Variants in CELSR1 observed in about 807,000 individuals in gnomAD.
The protein encoded by CELSR1 is cadherin EGF LAG seven-pass G-type receptor 1.
A neutral mutation model predicts 249.1 loss-of-function variants in CELSR1; 110 were observed. That is an observed-to-expected ratio of 0.44 (90% CI 0.38 to 0.52). The LOEUF is 0.52. CELSR1 is among the 20% of genes least tolerant of loss of function. The pLI is 0.00. For missense variants in CELSR1, 4,109 were observed against 4,296.4 expected (o/e 0.96, Z 1.22); for synonymous variants, 2,113 against 1,900.0 (o/e 1.11, Z -2.92).
rs1362473974 is a variant in CELSR1, at chr22:46,385,084, G to A, written c.6740-398C>T. On this transcript the variant is annotated intron_variant, in intron 19 of 34. Transcript: ENST00000674500. ...TGGGATTACAGGCATGAGCCACCACGCCCAGCCTATTTACTTATATTTATT... is the reference window on the plus strand; with the variant it reads ...TGGGATTACAGGCATGAGCCACCACACCCAGCCTATTTACTTATATTTATT... Among the ~76,000 whole-genome samples the A allele has an allele frequency of 4.0e-5, 6 of 151,474 alleles. 1 individual carries two copies. The South Asian group carries it at 6.3e-4, about 16-fold the overall frequency.
chr22:46,531,064 T>C (rs1035297594), intron 1 of CELSR1, among the ~76,000 whole-genome samples: 1 of 152,232 alleles, frequency 6.6e-6, no homozygotes, highest in Non-Finnish European at 1.5e-5. Context: ...CTGATCTTTT[T>C]GTTTGGTCTG....
In CELSR1 at chr22:46,408,937, G is replaced by A. The variant is rs1057177231; in HGVS notation, c.5226+59C>T. 17 of 1,422,712 alleles carry A rather than the reference G, an allele frequency of 1.2e-5. No individual in the cohort carries two copies. Among genetic ancestry groups the A allele is most frequent in the Non-Finnish European group, 1.6e-5 (17 of 1,060,628 alleles). 88.1% of individuals were successfully genotyped at this position (1,422,712 alleles called of 1,614,324 possible). ...GTGTGCACCAGGAAGCCCAGCGCCT[G>A]GGTCCCTCCCTCGGGCACCCACCTA... On this transcript the variant is annotated intron_variant, in intron 9 of 34. Transcript: ENST00000674500. This position sits in a 1 kb window ranked among gnomAD's most constrained non-coding sequence, Gnocchi z 4.6.
At position 46,429,025 on chromosome 22, in the gene CELSR1, G is replaced by A. The variant is rs1602122881; in HGVS notation, c.4611+4368C>T. Among the ~76,000 whole-genome samples, 1 of 152,120 alleles carries A rather than the reference G, an allele frequency of 6.6e-6. No homozygotes were observed. Among genetic ancestry groups the A allele is most frequent in the Non-Finnish European group, 1.5e-5 (1 of 68,008 alleles). On this transcript the variant is annotated intron_variant, in intron 5 of 34. Coordinates refer to ENST00000674500, the MANE Select transcript of CELSR1 (RefSeq NM_001378328.1). The surrounding 1 kb of genome is among the most constrained non-coding windows in gnomAD (Gnocchi z 4.1). Reference sequence around the variant, plus strand: ...GTCTGTGTCCCCGACCCTGCCAGGAGCTCCTGGAACAAGGTGGGGTCTAAA... The same window carrying A: ...GTCTGTGTCCCCGACCCTGCCAGGAACTCCTGGAACAAGGTGGGGTCTAAA...
intron 1 of CELSR1, among the ~76,000 whole-genome samples, chr22:46,523,841 G>C (rs1179693312): frequency 6.6e-6 from 1 of 152,064 alleles, no homozygotes; most frequent in Non-Finnish European, 1.5e-5. Context: ...ACAGCTTCTT[G>C]TGACAGCTCT....
intron 1 of CELSR1, among the ~76,000 whole-genome samples, chr22:46,495,615 T>C (rs4455266): frequency 0.67 from 101,248 of 151,654 alleles, 34,919 homozygotes; most frequent in East Asian, 0.98. Context: ...ACAGGCAGAT[T>C]ACCTGAGGTC....
At position 46,534,850 on chromosome 22, in the gene CELSR1, T is replaced by G; in HGVS notation, c.2321A>C (p.His774Pro). Residue 774 changes from histidine (H) to proline (P), a missense_variant, in exon 1 of 35, where the codon CAT (histidine) becomes CCT (proline). Physicochemically the swap from His to Pro is moderately conservative, Grantham distance 77 (BLOSUM62 -2). Around this residue, in one of 7 missense-constraint regions of CELSR1, gnomAD observed 886 missense variants for 896.5 expected, o/e 0.99. Transcript: ENST00000674500. This position sits in a 1 kb window ranked among gnomAD's most constrained non-coding sequence, Gnocchi z 9.7. ...GGCATCAGTGACGTTGATTAGGACA[T>G]GCGCAGTGTGCGACCGTGTGCCGTC... The part of the protein sequence containing the change: ...ASDGTRSHTA[H>P]VLINVTDANT... 6.2e-7 allele frequency: 1 copy of G among 1,612,964 alleles called. No individual in the cohort carries two copies. The highest frequency in any genetic ancestry group is 8.5e-7 in the Non-Finnish European group (1 of 1,180,002).
chr22:46,534,279 G>A lies in CELSR1; in HGVS notation c.2892C>T (p.Tyr964=). 1.2e-6 allele frequency: 2 copies of A among 1,613,324 alleles called. No individual in the cohort carries two copies. The highest frequency in any genetic ancestry group is 1.7e-6 in the Non-Finnish European group (2 of 1,179,996). ...RRLDRENVAV[Y]NLWALAVDRG... ...GATCCACAGCCAGAGCCCAAAGGTTGTACACGGCCACATTCTCCCGGTCCA... is the reference window on the plus strand; with the variant it reads ...GATCCACAGCCAGAGCCCAAAGGTTATACACGGCCACATTCTCCCGGTCCA... The change falls in exon 1 of 35, where the codon TAC becomes TAT. Residue 964 remains tyrosine (Y), a synonymous_variant. Coordinates refer to ENST00000674500, the MANE Select transcript of CELSR1 (RefSeq NM_001378328.1). The surrounding 1 kb of genome is among the most constrained non-coding windows in gnomAD (Gnocchi z 9.7).
chr22:46,432,185 G>C (rs2079603083), intron 5 of CELSR1, among the ~76,000 whole-genome samples: 1 of 152,186 alleles, frequency 6.6e-6, no homozygotes, highest in South Asian at 2.1e-4. Context: ...GGATATTCAA[G>C]GCAGATGGGA....
chr22:46,414,807 AG>A (rs1313076223), intron 5 of CELSR1, among the ~76,000 whole-genome samples: 3 of 152,252 alleles, frequency 2.0e-5, no homozygotes, highest in Non-Finnish European at 4.4e-5. Context: ...AACTGAAAAC[AG>A]GAACTCAAAA....
intron 1 of CELSR1, among the ~76,000 whole-genome samples, chr22:46,515,735 T>C (rs1282357261): frequency 1.3e-5 from 2 of 152,144 alleles, no homozygotes; most frequent in Non-Finnish European, 2.9e-5. Context: ...CTCCTATCTG[T>C]GTAACAGGCT....
At chr22:46,377,385 G>C in intron 23 of CELSR1, 124 bp from the exon 24 acceptor site, 1 of 1,081,892 alleles carries the variant, frequency 9.2e-7, no homozygotes, top group South Asian at 1.5e-5. Flanking sequence ...GGATCAGGCT[G>C]GGCTGGGGAG....
At chr22:46,449,018 C>T (rs1172210518) in intron 2 of CELSR1, among the ~76,000 whole-genome samples, 1 of 152,064 alleles carries the variant, frequency 6.6e-6, no homozygotes, top group African/African-American at 2.4e-5. Flanking sequence ...ACTCATCTAT[C>T]CATCCTTCCA....
At chr22:46,451,156 T>C (rs1569172478) in intron 2 of CELSR1, among the ~76,000 whole-genome samples, 1 of 152,032 alleles carries the variant, frequency 6.6e-6, no homozygotes, top group East Asian at 1.9e-4. Context: ...GGTGACTTGC[T>C]CTGCACCTGG....
At position 46,390,510 on chromosome 22, in the gene CELSR1, A is replaced by G. The variant is rs2079078816; in HGVS notation, c.6251-24T>C. 5 of 1,581,946 alleles carry G rather than the reference A, an allele frequency of 3.2e-6. 1 individual carries two copies. In the South Asian group the frequency reaches 5.6e-5, roughly 18 times the overall value. Reference sequence around the variant, plus strand: ...TCCTGGGGAAGGAGAGCAGGTGTGCAAAGCCTGAAACTCAAACTGTTGATC... The same window carrying G: ...TCCTGGGGAAGGAGAGCAGGTGTGCGAAGCCTGAAACTCAAACTGTTGATC... On this transcript the variant is annotated intron_variant, in intron 16 of 34. Coordinates refer to ENST00000674500, the MANE Select transcript of CELSR1 (RefSeq NM_001378328.1). This position sits in a 1 kb window ranked among gnomAD's most constrained non-coding sequence, Gnocchi z 6.3.
intron 1 of CELSR1, among the ~76,000 whole-genome samples, chr22:46,522,089 T>C (rs1166267475): frequency 2.0e-5 from 3 of 152,288 alleles, no homozygotes; most frequent in African/African-American, 7.2e-5. Context: ...TTTTTGTGTG[T>C]GTGTCAGTCA....
At chr22:46,425,422 C>G (rs1044382177) in intron 5 of CELSR1, among the ~76,000 whole-genome samples, 1 of 152,116 alleles carries the variant, frequency 6.6e-6, no homozygotes, top group African/African-American at 2.4e-5. Flanking sequence ...CGGAGATTTC[C>G]TTTTTGGGAA....
At chr22:46,509,416 A>T (rs2080549590) in intron 1 of CELSR1, among the ~76,000 whole-genome samples, 1 of 133,688 alleles carries the variant, frequency 7.5e-6, no homozygotes, top group Non-Finnish European at 1.6e-5. Context: ...CCCACAGGCT[A>T]CTGTTCTGTC....
At chr22:46,369,592 G>A (rs1237081431) in intron 26 of CELSR1, 100 bp downstream of exon 26, 15 of 1,074,114 alleles carry the variant, frequency 1.4e-5, no homozygotes, top group Admixed American at 6.3e-5. Flanking sequence ...GCCCCCCGTC[G>A]GCTGCTCAGA....
intron 27 of CELSR1, among the ~76,000 whole-genome samples, chr22:46,368,241 G>C (rs2078809542): frequency 6.6e-6 from 1 of 152,148 alleles, no homozygotes; most frequent in Non-Finnish European, 1.5e-5. Flanking sequence ...CCTGCAATCA[G>C]CTTCCTGAGC....
Sources: allele counts gnomAD v4.1 joint callset (sites outside exome capture counted in the v4.1 genomes callset), GRCh38; gene constraint gnomAD v4.1.1; regional missense constraint gnomAD v4.1.1; non-coding constraint Gnocchi (gnomAD v3.1); transcripts MANE v1.5; gene names NCBI Gene and HGNC (gene_info 2026-07-23, HGNC 2026-07-21).